The following KIF6 variants were observed in gnomAD, a reference collection of about 807,000 sequenced individuals.
KIF6 encodes the protein kinesin-like protein KIF6.
In KIF6, 106 loss-of-function variants were observed where a neutral mutation model predicts 112.7. The observed-to-expected ratio is 0.94, with a 90% CI of 0.80 to 1.11. The LOEUF (loss-of-function observed/expected upper bound fraction) is 1.11. Ranked by LOEUF, KIF6 falls within the 50% of genes least tolerant of loss-of-function variation. The pLI is 0.00. For synonymous variants in KIF6, 339 were observed against 339.9 expected (o/e 1.00, Z 0.03); for missense variants, 929 against 964.0 (o/e 0.96, Z 0.48).
At chr6:39,713,542 C>T (rs1296878124) in intron 3 of KIF6, among the ~76,000 whole-genome samples, 1 of 152,050 alleles carries the variant, frequency 6.6e-6, no homozygotes, top group Non-Finnish European at 1.5e-5. Flanking sequence ...CCCAGGCATC[C>T]ATGAAAAAGA....
At chr6:39,520,395 C>G (rs529634800) in intron 13 of KIF6, among the ~76,000 whole-genome samples, 1 of 152,300 alleles carries the variant, frequency 6.6e-6, no homozygotes, top group East Asian at 1.9e-4. Flanking sequence ...AAGCACATAG[C>G]CTGTCTATCA....
chr6:39,397,780 G>C (rs1366842177), intron 15 of KIF6, among the ~76,000 whole-genome samples: 6 of 152,146 alleles, frequency 3.9e-5, no homozygotes, highest in Non-Finnish European at 7.3e-5. Context: ...CACTTCTTCA[G>C]CCAACAAAAT....
chr6:39,542,162 C>T (rs1370192074), intron 12 of KIF6, among the ~76,000 whole-genome samples: 1 of 152,160 alleles, frequency 6.6e-6, no homozygotes, highest in Non-Finnish European at 1.5e-5. Flanking sequence ...TGGGAAGCCC[C>T]TTGAAGACTT....
At chr6:39,600,348 T>C (rs1782504358) in intron 6 of KIF6, among the ~76,000 whole-genome samples, 2 of 152,192 alleles carry the variant, frequency 1.3e-5, no homozygotes, top group African/African-American at 4.8e-5. Flanking sequence ...CCTATGTATA[T>C]CACTGTGTTA....
intron 5 of KIF6, among the ~76,000 whole-genome samples, chr6:39,626,029 A>C (rs935387368): frequency 6.6e-6 from 1 of 152,144 alleles, no homozygotes; most frequent in Non-Finnish European, 1.5e-5. Flanking sequence ...GGATGGGAAC[A>C]AAAAGCAGCG....
chr6:39,469,662 A>T (rs1487423487), intron 13 of KIF6, among the ~76,000 whole-genome samples: 1 of 152,184 alleles, frequency 6.6e-6, no homozygotes, highest in Non-Finnish European at 1.5e-5. Flanking sequence ...AAATTACTTC[A>T]TCACCCAGGT....
At chr6:39,642,586 C>G (rs1253695377) in intron 3 of KIF6, among the ~76,000 whole-genome samples, 1 of 152,104 alleles carries the variant, frequency 6.6e-6, no homozygotes, top group East Asian at 1.9e-4. Flanking sequence ...AGAGTTCACT[C>G]AGTGTGAGCA....
intron 16 of KIF6, among the ~76,000 whole-genome samples, chr6:39,380,280 T>C (rs973925347): frequency 1.3e-5 from 2 of 152,326 alleles, no homozygotes; most frequent in Non-Finnish European, 2.9e-5. Flanking sequence ...GAGATGGTTA[T>C]TGATGTTTGT....
chr6:39,468,865 T>TA (rs1284220448), intron 13 of KIF6, among the ~76,000 whole-genome samples: 10 of 152,076 alleles, frequency 6.6e-5, no homozygotes, highest in Non-Finnish European at 1.3e-4. Context: ...AAAGCAATTG[T>TA]ATCAAATAGT....
intron 1 of KIF6, among the ~76,000 whole-genome samples, chr6:39,724,493 T>C (rs1052578646): frequency 2.0e-4 from 30 of 151,268 alleles, no homozygotes; most frequent in Admixed American, 5.9e-4. Context: ...CAAAGTATCA[T>C]TGCTCAGAGT....
At chr6:39,627,466 A>G (rs1784150846) in intron 5 of KIF6, among the ~76,000 whole-genome samples, 1 of 152,198 alleles carries the variant, frequency 6.6e-6, no homozygotes. Context: ...GGCTGGAACA[A>G]AGTTGGGTCT....
intron 19 of KIF6, among the ~76,000 whole-genome samples, chr6:39,350,599 G>A (rs1049330245): frequency 6.6e-6 from 1 of 152,132 alleles, no homozygotes; most frequent in South Asian, 2.1e-4. Flanking sequence ...CCTTGGGAAC[G>A]TGGGAATGCC....
chr6:39,357,928 A>G (rs1460682487), intron 18 of KIF6, among the ~76,000 whole-genome samples: 1 of 152,244 alleles, frequency 6.6e-6, no homozygotes, highest in Non-Finnish European at 1.5e-5. Context: ...GTGCTTTCCA[A>G]GTTTTCCACG....
At chr6:39,387,037 TAGGGCACCTCTAG>T in intron 15 of KIF6, among the ~76,000 whole-genome samples, 1 of 152,336 alleles carries the variant, frequency 6.6e-6, no homozygotes, top group Admixed American at 6.5e-5. Flanking sequence ...TGGAGAGTTT[TAGGGCACCTCTAG>T]AATGTTATAA....
rs61215070 is a variant in KIF6 at position 39,584,417 on chromosome 6, TAA to T, written c.1077+479_1077+480del. 1.4e-3 allele frequency among the ~76,000 whole-genome samples: 65 copies of T among 46,050 alleles called. 2 individuals are homozygous for T. The highest frequency in any genetic ancestry group is 3.0e-3 in the South Asian group (3 of 996). 30.2% of individuals were successfully genotyped at this position (46,050 alleles called of 152,430 possible). ...TCCAGCCTGAGCAAGACTCTGTCTC[TAA>T]AAAAAAAAAAAAAAAAAAAAAAAAA... On this transcript the variant is annotated intron_variant, in intron 9 of 22. Transcript: ENST00000287152.
At chr6:39,613,017 C>A (rs983902410) in intron 6 of KIF6, among the ~76,000 whole-genome samples, 172 bp downstream of exon 6, 4 of 152,162 alleles carry the variant, frequency 2.6e-5, no homozygotes, top group African/African-American at 9.7e-5. Flanking sequence ...GGGAAAGTCT[C>A]CTCACTTATC....
intron 15 of KIF6, among the ~76,000 whole-genome samples, chr6:39,402,950 A>T (rs1195492907): frequency 6.6e-6 from 1 of 152,180 alleles, no homozygotes; most frequent in Non-Finnish European, 1.5e-5. Context: ...GCTGTGGCAA[A>T]AGCTCCTACT....
chr6:39,391,050 C>T (rs1456683476), intron 15 of KIF6, among the ~76,000 whole-genome samples: 2 of 152,150 alleles, frequency 1.3e-5, no homozygotes, highest in Non-Finnish European at 2.9e-5. Context: ...CAGGCTTTAT[C>T]CAAACTTGTT....
At chr6:39,492,211 C>T (rs1021404710) in intron 13 of KIF6, among the ~76,000 whole-genome samples, 7 of 152,146 alleles carry the variant, frequency 4.6e-5, no homozygotes, top group African/African-American at 7.2e-5. Flanking sequence ...GGGCTTCTAA[C>T]GACTTTAAGG....
Sources: gnomAD v4.1 joint callset for allele counts (sites outside exome capture counted in the v4.1 genomes callset) on GRCh38, gnomAD v4.1.1 for gene constraint, MANE v1.5 for transcripts, NCBI Gene and HGNC (gene_info 2026-07-23, HGNC 2026-07-21) for gene names.